Variants in ACCS observed in about 807,000 individuals in gnomAD.
ACCS encodes 1-aminocyclopropane-1-carboxylate synthase homolog (inactive).
Under a neutral mutation model 59.8 loss-of-function variants are expected in ACCS, and 42 were observed. The observed-to-expected ratio is 0.70, with a 90% CI of 0.55 to 0.91. ACCS has a LOEUF of 0.91. Ranked by LOEUF, ACCS falls within the 40% of genes least tolerant of loss-of-function variation. The probability of loss-of-function intolerance (pLI) is 0.00; values close to 1 mark genes in which losing one functional copy is unlikely to be tolerated. For missense variants in ACCS, 602 were observed against 630.4 expected (o/e 0.95, Z 0.48); for synonymous variants, 230 against 240.3 (o/e 0.96, Z 0.40).
At chr11:44,068,561 T>C (rs1276713717) in intron 2 of ACCS, among the ~76,000 whole-genome samples, 1 of 152,214 alleles carries the variant, frequency 6.6e-6, no homozygotes, top group African/African-American at 2.4e-5. Flanking sequence ...GCCAAGATCA[T>C]GCCACTGCAT....
intron 6 of ACCS, 113 bp downstream of exon 6, chr11:44,075,705 A>G (rs910265605): frequency 1.7e-5 from 22 of 1,260,462 alleles, no homozygotes; most frequent in Non-Finnish European, 2.4e-5. Flanking sequence ...AATAGAATAT[A>G]CTAGACTGCA....
chr11:44,077,597 C>T (rs535817937), intron 7 of ACCS: 7 of 1,435,694 alleles, frequency 4.9e-6, no homozygotes, highest in South Asian at 1.5e-5. Context: ...AAGAGCCAGA[C>T]CCAGAAACAG....
chr11:44,075,385 T>G, intron 5 of ACCS, 141 bp from the exon 6 acceptor site: 1 of 791,482 alleles, frequency 1.3e-6, no homozygotes, highest in Non-Finnish European at 2.1e-6. Context: ...TGGCTGTCAG[T>G]CTAGTGGCTT....
chr11:44,071,341 G>T (rs766917830), intron 3 of ACCS, 26 bp downstream of exon 3: 38 of 1,610,280 alleles, frequency 2.4e-5, no homozygotes, highest in Non-Finnish European at 3.1e-5. Flanking sequence ...CCTCTAGGGG[G>T]CATCACCAGC....
intron 3 of ACCS, chr11:44,071,814 A>G (rs1466285620): frequency 6.6e-6 from 1 of 152,652 alleles, no homozygotes; most frequent in Non-Finnish European, 1.5e-5. Flanking sequence ...AAACATAGAT[A>G]GTAAAAGGTA....
intron 2 of ACCS, among the ~76,000 whole-genome samples, chr11:44,070,547 C>T (rs1229133052): frequency 6.6e-6 from 1 of 152,164 alleles, no homozygotes; most frequent in African/African-American, 2.4e-5. Flanking sequence ...CTTCACTCCC[C>T]CTGCAGTAAC....
chr11:44,079,145 C>T, intron 9 of ACCS: 1 of 366,282 alleles, frequency 2.7e-6, no homozygotes, highest in Non-Finnish European at 5.1e-6. Flanking sequence ...ACAATCCTTA[C>T]AACAATCCTC....
In ACCS at chr11:44,083,882, A is replaced by C; in HGVS notation, c.*90A>C. On this transcript the variant is annotated 3_prime_UTR_variant, in exon 15 of 15. Transcript: ENST00000263776. ...GCAGAAGACTGACTGTGGATGTGCCATTTGCCAGGAAGGTATCTAACTTGG... is the reference window on the plus strand; with the variant it reads ...GCAGAAGACTGACTGTGGATGTGCCCTTTGCCAGGAAGGTATCTAACTTGG... 2 of 1,530,532 alleles carry C rather than the reference A, an allele frequency of 1.3e-6. No individual in the cohort carries two copies. The highest frequency in any genetic ancestry group is 1.8e-6 in the Non-Finnish European group (2 of 1,136,906). The allele number at this position is 1,530,532 out of a possible 1,614,324, so 94.8% of individuals were successfully genotyped here. A position where few individuals can be genotyped will look rare whatever the true frequency, so the allele number is the denominator to read the frequency against.
intron 4 of ACCS, among the ~76,000 whole-genome samples, chr11:44,073,751 A>G (rs178520): frequency 0.81 from 123,678 of 152,120 alleles, 50,541 homozygotes; most frequent in East Asian, 0.91. Context: ...CCTGGCGACT[A>G]TGGGGTCTCC....
rs1200432576 is a variant in ACCS, at chr11:44,078,769, T to C, written c.818T>C (p.Leu273Pro). 3 of 1,613,834 alleles carry C rather than the reference T, an allele frequency of 1.9e-6. No individual in the cohort carries two copies. Among genetic ancestry groups the C allele is most frequent in the Non-Finnish European group, 2.5e-6 (3 of 1,179,952 alleles). Residue 273 changes from leucine (L) to proline (P), a missense_variant, in exon 9 of 15, where the codon CTG becomes CCG. Transcript: ENST00000263776. The part of the protein sequence containing the change: ...VYSPEELQEY[L>P]VFAKRHRLHV... ...TCCCCTGAAGAGCTACAGGAGTACC[T>C]GGTATTTGCCAAGAGGTGAGGCACC...
intron 2 of ACCS, among the ~76,000 whole-genome samples, chr11:44,068,786 G>A (rs1357541381): frequency 1.3e-5 from 2 of 152,214 alleles, no homozygotes; most frequent in African/African-American, 2.4e-5. Flanking sequence ...GCCTTCAGAA[G>A]TCAGAAAGCT....
intron 5 of ACCS, 95 bp downstream of exon 5, chr11:44,074,776 T>TTTCTTTCTTTCTTTCTTTC (rs1953260013): frequency 5.0e-6 from 1 of 198,480 alleles, no homozygotes; most frequent in Non-Finnish European, 7.0e-6. Flanking sequence ...TTCTTTCTTT[T>TTTCTTTCTTTCTTTCTTTC]TCTCTCTCTC....
intron 12 of ACCS, chr11:44,082,140 G>C (rs985865525): frequency 5.3e-5 from 8 of 152,168 alleles, no homozygotes; most frequent in Non-Finnish European, 1.0e-4. Flanking sequence ...ACAACATCAA[G>C]TGTTGACAAA....
At position 44,081,345 on chromosome 11, in the gene ACCS, G is replaced by A. The variant is rs200782869; in HGVS notation, c.1111+25G>A. ...GGTGACTGCCTGGGCCTGGTGACCT[G>A]AAAATGGGAGGAGGGTTGGAGGCAG... is the stretch of plus-strand genomic sequence containing the variant. On this transcript the variant is annotated intron_variant, in intron 12 of 14. Coordinates refer to ENST00000263776, the MANE Select transcript of ACCS (RefSeq NM_032592.4). 63 of 1,609,872 alleles carry A rather than the reference G, an allele frequency of 3.9e-5. No homozygotes were observed. The African/African-American group carries it at 6.9e-4, about 18-fold the overall frequency.
At chr11:44,076,288 T>C (rs1010331227) in intron 6 of ACCS, among the ~76,000 whole-genome samples, 3 of 152,228 alleles carry the variant, frequency 2.0e-5, no homozygotes, top group Non-Finnish European at 2.9e-5. Context: ...TAATTAATAA[T>C]GAGAATATTA....
chr11:44,068,264 CTAG>C (rs2134806792), intron 2 of ACCS, among the ~76,000 whole-genome samples: 1 of 152,254 alleles, frequency 6.6e-6, no homozygotes, highest in South Asian at 2.1e-4. Flanking sequence ...TGTTGCTGAG[CTAG>C]TTACTTAACT....
intron 5 of ACCS, 53 bp downstream of exon 5, chr11:44,074,734 C>CTCTCTTTCTTTCTT (rs879192765): frequency 3.7e-6 from 2 of 539,708 alleles, no homozygotes; most frequent in African/African-American, 7.5e-5. Context: ...CCCTCTCCAT[C>CTCTCTTTCTTTCTT]TCTTTCTTTC....
In ACCS at chr11:44,084,034, G is replaced by C; in HGVS notation, c.*242G>C. 1 of 727,808 alleles carries C rather than the reference G, an allele frequency of 1.4e-6. No individual in the cohort carries two copies. Among genetic ancestry groups the C allele is most frequent in the Non-Finnish European group, 2.1e-6 (1 of 484,796 alleles). 45.1% of individuals were successfully genotyped at this position (727,808 alleles called of 1,614,324 possible). On this transcript the variant is annotated 3_prime_UTR_variant, in exon 15 of 15. Transcript: ENST00000263776. ...CTAGGAGAGTCCATATGTCTCCATT[G>C]TGAGTTATTTAGAATGGAGGAGTCG...
intron 12 of ACCS, 128 bp downstream of exon 12, chr11:44,081,448 G>T: frequency 7.1e-7 from 1 of 1,410,808 alleles, no homozygotes; most frequent in Non-Finnish European, 9.4e-7. Flanking sequence ...CCAGCTCTGA[G>T]CCCCGACTGG....
Sources: allele counts gnomAD v4.1 joint callset (sites outside exome capture counted in the v4.1 genomes callset), GRCh38; gene constraint gnomAD v4.1.1; transcripts MANE v1.5; gene names NCBI Gene and HGNC (gene_info 2026-07-23, HGNC 2026-07-21).